KCNQ1: variants seen among roughly 807,000 people sequenced by gnomAD.
KCNQ1 encodes potassium voltage-gated channel subfamily Q member 1.
KCNQ1 carries 49 observed loss-of-function variants against 72.4 expected under a neutral mutation model. The observed-to-expected ratio is 0.68, with a 90% confidence interval of 0.54 to 0.86. The LOEUF is 0.86. Among genes scored for constraint, KCNQ1 ranks in the 40% least tolerant of loss-of-function variants. The pLI, the probability that KCNQ1 is intolerant of heterozygous loss-of-function variation, is 0.00. For missense variants in KCNQ1, 790 were observed against 945.1 expected (o/e 0.84, Z 2.15); for synonymous variants, 450 against 412.6 (o/e 1.09, Z -1.10).
rs1845713536 is a variant in KCNQ1, at chr11:2,723,859, C to T, written c.1515-44985C>T. Among the ~76,000 whole-genome samples the T allele has an allele frequency of 2.0e-5, 3 of 152,228 alleles. No homozygotes were observed. The highest frequency in any genetic ancestry group is 1.3e-4 in the Admixed American group (2 of 15,286). On this transcript the variant is annotated intron_variant, in intron 11 of 15. Coordinates refer to ENST00000155840, the MANE Select transcript of KCNQ1 (RefSeq NM_000218.3). This position sits in a 1 kb window ranked among gnomAD's most constrained non-coding sequence, Gnocchi z 4.2. ...TCATGACATGGTGGTCAAAGCAAGT[C>T]ACGGATTCCAGGGGGACCTCGGGAC...
At chr11:2,726,593 C>T (rs889673224) in intron 11 of KCNQ1, among the ~76,000 whole-genome samples, 4 of 152,168 alleles carry the variant, frequency 2.6e-5, no homozygotes, top group African/African-American at 9.7e-5. Flanking sequence ...GGGTGGGACC[C>T]CGGTGAAGAT....
rs1329290707 is a variant in KCNQ1, at chr11:2,677,431, A to G, written c.1514+15350A>G. 1 of 398,454 alleles carries G rather than the reference A, an allele frequency of 2.5e-6. No homozygotes were observed. The highest frequency in any genetic ancestry group is 4.4e-6 in the Non-Finnish European group (1 of 226,064). The allele number at this position is 398,454 out of a possible 1,614,324, so 24.7% of individuals were successfully genotyped here. ...AGCATTTCAGAGGACAGCAGGGGAG[A>G]TGATAATTGATGCAGGTGGCCTCTT... On this transcript the variant is annotated intron_variant, in intron 11 of 15. Transcript: ENST00000155840. This position sits in a 1 kb window ranked among gnomAD's most constrained non-coding sequence, Gnocchi z 4.5.
chr11:2,474,164 G>A (rs1312329985), intron 1 of KCNQ1, among the ~76,000 whole-genome samples: 1 of 152,188 alleles, frequency 6.6e-6, no homozygotes, highest in Non-Finnish European at 1.5e-5. Flanking sequence ...TGGGGACACT[G>A]GATGTGTCCA....
Position 2,696,833 on chromosome 11 carries a change from A to G in KCNQ1, c.1514+34752A>G, listed in dbSNP as rs547528424. 1.5e-5 allele frequency: 6 copies of G among 398,374 alleles called. No individual in the cohort carries two copies. The East Asian group carries it at 2.1e-4, about 14-fold the overall frequency. 24.7% of individuals were successfully genotyped at this position (398,374 alleles called of 1,614,324 possible). ...TATTCTGATTGCTGTCCTAATCTCT[A>G]TTATGCTTTTTTTTAGTCAGTTGCT... On this transcript the variant is annotated intron_variant, in intron 11 of 15. Coordinates refer to ENST00000155840, the MANE Select transcript of KCNQ1 (RefSeq NM_000218.3).
intron 15 of KCNQ1, among the ~76,000 whole-genome samples, chr11:2,838,703 C>CGGCCAGGCA: frequency 6.6e-6 from 1 of 152,242 alleles, no homozygotes; most frequent in East Asian, 1.9e-4. Context: ...GACACGAGAA[C>CGGCCAGGCA]GGCCAGGCAG....
intron 10 of KCNQ1, chr11:2,655,600 G>A (rs117526880): frequency 2.5e-6 from 1 of 398,732 alleles, no homozygotes; most frequent in Non-Finnish European, 4.4e-6. Context: ...AGCAAGACCT[G>A]TTAGGGCACA....
At position 2,798,550 on chromosome 11, in the gene KCNQ1, A is replaced by G. The variant is rs78395631; in HGVS notation, c.1794+20513A>G. Reference sequence around the variant, plus strand: ...TGGCAAAATTATGCCGAGTTCCCTGAAAAAAAAAAAAAATACCCACTCTAT... The same window carrying G: ...TGGCAAAATTATGCCGAGTTCCCTGGAAAAAAAAAAAAATACCCACTCTAT... On this transcript the variant is annotated intron_variant, in intron 15 of 15. Transcript: ENST00000155840. 1.4e-3 allele frequency among the ~76,000 whole-genome samples: 96 copies of G among 69,500 alleles called. 1 individual carries two copies. Among genetic ancestry groups the G allele is most frequent in the Non-Finnish European group, 1.1e-3 (43 of 37,824 alleles). The allele number at this position is 69,500 out of a possible 152,430, so 45.6% of individuals were successfully genotyped here.
chr11:2,697,950 A>G lies in KCNQ1; in HGVS notation c.1514+35869A>G, dbSNP rs1590039104. The G allele has an allele frequency of 4.5e-5, 18 of 398,652 alleles. No individual in the cohort carries two copies. In the East Asian group the frequency reaches 6.4e-4, roughly 14 times the overall value. 24.7% of individuals were successfully genotyped at this position (398,652 alleles called of 1,614,324 possible). ...TCAGCATGTTAGGAAACACATTAAAATACACCCATAATCAAGCAACTCAAT... is the reference window on the plus strand; with the variant it reads ...TCAGCATGTTAGGAAACACATTAAAGTACACCCATAATCAAGCAACTCAAT... On this transcript the variant is annotated intron_variant, in intron 11 of 15. Coordinates refer to ENST00000155840, the MANE Select transcript of KCNQ1 (RefSeq NM_000218.3).
rs1384583383 is a variant in KCNQ1 at position 2,491,891 on chromosome 11, A to G, written c.387-36037A>G. Among the ~76,000 whole-genome samples the G allele has an allele frequency of 1.3e-5, 2 of 152,202 alleles. No individual in the cohort carries two copies. Among genetic ancestry groups the G allele is most frequent in the African/African-American group, 2.4e-5 (1 of 41,460 alleles). On this transcript the variant is annotated intron_variant, in intron 1 of 15. Transcript: ENST00000155840. This position sits in a 1 kb window ranked among gnomAD's most constrained non-coding sequence, Gnocchi z 4.1. ...CAGCAGAGTTTTCAATGGAAACTTT[A>G]TGGGCCAGAAGAGAGTGGCAGGACA...
Position 2,626,174 on chromosome 11 carries a change from A to G in KCNQ1, c.1394-35787A>G, listed in dbSNP as rs1052915919. 2.5e-6 allele frequency: 1 copy of G among 398,444 alleles called. No individual in the cohort carries two copies. The highest frequency in any genetic ancestry group is 2.1e-5 in the African/African-American group (1 of 48,618). 24.7% of individuals were successfully genotyped at this position (398,444 alleles called of 1,614,324 possible). A position where few individuals can be genotyped will look rare whatever the true frequency, so the allele number is the denominator to read the frequency against. ...TAAAGTTTTTCCCCTATGTTTCCTT[A>G]TAAGACTTCATAGTTTTAGGACTTT... On this transcript the variant is annotated intron_variant, in intron 10 of 15. Transcript: ENST00000155840. This position sits in a 1 kb window ranked among gnomAD's most constrained non-coding sequence, Gnocchi z 4.0.
intron 10 of KCNQ1, chr11:2,649,093 A>G (rs1849717812): frequency 7.8e-6 from 3 of 385,512 alleles, no homozygotes; most frequent in Non-Finnish European, 1.3e-5. Context: ...CTTACAGTCT[A>G]TGGGTGTCTT....
At chr11:2,694,032 C>T in intron 11 of KCNQ1, 1 of 398,710 alleles carries the variant, frequency 2.5e-6, no homozygotes, top group Middle Eastern at 6.3e-4. Flanking sequence ...GCCACAGGTG[C>T]CCATGCCATA....
rs1258297873 is a variant in KCNQ1 at position 2,550,516 on chromosome 11, G to A, written c.478-20112G>A. On this transcript the variant is annotated intron_variant, in intron 2 of 15. Coordinates refer to ENST00000155840, the MANE Select transcript of KCNQ1 (RefSeq NM_000218.3). The surrounding 1 kb of genome is among the most constrained non-coding windows in gnomAD (Gnocchi z 6.0). ...AGCAGCCAAGGGCACTGCCCGCCCT[G>A]GGAGCTGATGCCTGACATGCATCCT... Among the ~76,000 whole-genome samples, 5 of 152,226 alleles carry A rather than the reference G, an allele frequency of 3.3e-5. No individual in the cohort carries two copies. The highest frequency in any genetic ancestry group is 5.9e-5 in the Non-Finnish European group (4 of 68,030).
chr11:2,665,685 A>G (rs952138681), intron 11 of KCNQ1: 7 of 398,180 alleles, frequency 1.8e-5, no homozygotes, highest in Non-Finnish European at 3.1e-5. Context: ...GAATGGTGCC[A>G]GGAGGGAGAA....
At chr11:2,532,837 T>A (rs1001811505) in intron 2 of KCNQ1, among the ~76,000 whole-genome samples, 2 of 152,136 alleles carry the variant, frequency 1.3e-5, no homozygotes, top group African/African-American at 4.8e-5. Flanking sequence ...GGTTCTTGAT[T>A]CCAGCAGAGG....
rs1849153221 is a variant in KCNQ1, at chr11:2,620,551, TG to T, written c.1393+31699del. 5.0e-6 allele frequency: 2 copies of T among 396,070 alleles called. No homozygotes were observed. The highest frequency in any genetic ancestry group is 7.2e-5 in the East Asian group (2 of 27,938). 24.5% of individuals were successfully genotyped at this position (396,070 alleles called of 1,614,324 possible). On this transcript the variant is annotated intron_variant, in intron 10 of 15. Coordinates refer to ENST00000155840, the MANE Select transcript of KCNQ1 (RefSeq NM_000218.3). This position sits in a 1 kb window ranked among gnomAD's most constrained non-coding sequence, Gnocchi z 4.5. ...ATTTTTATGGCTGCATAGTATTCCA[TG>T]GTGTACATGTACCACATTTTCTTTA...
chr11:2,618,371 A>T (rs750486287), intron 10 of KCNQ1: 30 of 398,456 alleles, frequency 7.5e-5, no homozygotes, highest in Non-Finnish European at 1.2e-4. Flanking sequence ...GGCCTCATTA[A>T]AGCCATCCTG....
In KCNQ1 at chr11:2,752,265, T is replaced by C. The variant is rs553081104; in HGVS notation, c.1515-16579T>C. On this transcript the variant is annotated intron_variant, in intron 11 of 15. Coordinates refer to ENST00000155840, the MANE Select transcript of KCNQ1 (RefSeq NM_000218.3). This position sits in a 1 kb window ranked among gnomAD's most constrained non-coding sequence, Gnocchi z 5.2. ...TCTGAACCCAGCTGAGTGGCTTCCA[T>C]GGAGCTGATCTGAACCCAGCTGAGT... 2.0e-5 allele frequency among the ~76,000 whole-genome samples: 3 copies of C among 151,448 alleles called. No individual in the cohort carries two copies. The highest frequency in any genetic ancestry group is 7.4e-5 in the African/African-American group (3 of 40,780).
At chr11:2,569,403 C>T (rs958422411) in intron 2 of KCNQ1, among the ~76,000 whole-genome samples, 25 of 152,238 alleles carry the variant, frequency 1.6e-4, no homozygotes, top group African/African-American at 5.8e-4. Context: ...CATTTGGGAG[C>T]CAGCGATGGC....
Sources: gnomAD v4.1 joint callset for allele counts (sites outside exome capture counted in the v4.1 genomes callset) on GRCh38, gnomAD v4.1.1 for gene constraint, Gnocchi (gnomAD v3.1) non-coding constraint, MANE v1.5 for transcripts, NCBI Gene and HGNC (gene_info 2026-07-23, HGNC 2026-07-21) for gene names.